Variants in SMAP2 observed in about 807,000 individuals in gnomAD.
SMAP2 encodes stromal membrane-associated protein 2.
In SMAP2, 25 loss-of-function variants were observed where a neutral mutation model predicts 56.4. The observed-to-expected ratio is 0.44, with a 90% CI of 0.32 to 0.62. The LOEUF is 0.62. Ranked by LOEUF, SMAP2 falls within the 20% of genes least tolerant of loss-of-function variation. SMAP2 has a pLI of 0.04. For missense variants in SMAP2, 388 were observed against 545.6 expected, an observed-to-expected ratio of 0.71 and a Z score of 2.88; for synonymous variants, 157 against 181.7, an observed-to-expected ratio of 0.86 and a Z score of 1.09.
chr1:40,409,966 G>T (rs1644919140), intron 4 of SMAP2, 131 bp downstream of exon 4: 8 of 633,526 alleles, frequency 1.3e-5, no homozygotes, highest in African/African-American at 1.8e-5. Context: ...AAGTAGACCA[G>T]GTGTGGTGGC....
intron 1 of SMAP2, among the ~76,000 whole-genome samples, chr1:40,378,965 T>C (rs1321727794): frequency 7.9e-6 from 1 of 127,176 alleles, no homozygotes; most frequent in Non-Finnish European, 1.7e-5. Context: ...GTTGGCAATT[T>C]CTTTTCTTTT....
At chr1:40,367,978 A>C (rs1644484437) in intron 2 of SMAP2, among the ~76,000 whole-genome samples, 1 of 140,526 alleles carries the variant, frequency 7.1e-6, no homozygotes, top group South Asian at 2.5e-4. Context: ...AGAAAAAAAG[A>C]GAGAAGAATC....
At chr1:40,393,193 G>A (rs899296718) in intron 1 of SMAP2, among the ~76,000 whole-genome samples, 1 of 143,136 alleles carries the variant, frequency 7.0e-6, no homozygotes, top group Non-Finnish European at 1.5e-5. Flanking sequence ...AGGCGTGGTA[G>A]CACATGCCTG....
At chr1:40,396,852 T>C (rs1211508097) in intron 1 of SMAP2, 4 of 985,168 alleles carry the variant, frequency 4.1e-6, no homozygotes, top group Non-Finnish European at 4.8e-6. Flanking sequence ...TCCTTTTCAG[T>C]GAATCAGAGA....
chr1:40,381,320 C>A (rs1367888852), intron 1 of SMAP2, among the ~76,000 whole-genome samples: 1 of 152,036 alleles, frequency 6.6e-6, no homozygotes, highest in Non-Finnish European at 1.5e-5. Flanking sequence ...CAGATGTGTA[C>A]AAATATAAAT....
chr1:40,406,496 TTAGA>T (rs1338434723), intron 1 of SMAP2, among the ~76,000 whole-genome samples: 2 of 152,162 alleles, frequency 1.3e-5, no homozygotes, highest in Admixed American at 1.3e-4. Context: ...TGTTCTGGAA[TTAGA>T]TAGTAGTAAT....
At chr1:40,403,700 T>C in intron 1 of SMAP2, 1 of 958,594 alleles carries the variant, frequency 1.0e-6, no homozygotes, top group Non-Finnish European at 1.2e-6. Flanking sequence ...GTGAGGTGAA[T>C]GCTATTGTAC....
chr1:40,349,479 C>T (rs971532731), intron 1 of SMAP2, among the ~76,000 whole-genome samples: 1 of 152,154 alleles, frequency 6.6e-6, no homozygotes, highest in Non-Finnish European at 1.5e-5. Flanking sequence ...TTTGAATCCT[C>T]ATAACAGCTG....
chr1:40,394,367 T>C (rs1644749132), intron 1 of SMAP2, among the ~76,000 whole-genome samples: 1 of 152,140 alleles, frequency 6.6e-6, no homozygotes, highest in Non-Finnish European at 1.5e-5. Context: ...CCACTTTTGC[T>C]CTTTTTTGAA....
At chr1:40,407,294 G>A (rs1036340268) in intron 2 of SMAP2, among the ~76,000 whole-genome samples, 8 of 152,062 alleles carry the variant, frequency 5.3e-5, no homozygotes, top group Non-Finnish European at 1.2e-4. Flanking sequence ...AGACCAGCCT[G>A]GGCAACAGAG....
chr1:40,414,774 G>T (rs565124530), intron 6 of SMAP2, among the ~76,000 whole-genome samples: 1 of 152,238 alleles, frequency 6.6e-6, no homozygotes, highest in East Asian at 1.9e-4. Context: ...GAGATGGCCT[G>T]TGGTCATTTT....
Position 40,385,788 on chromosome 1 carries a change from T to A in SMAP2, c.103+11565T>A, listed in dbSNP as rs780275747. ...GGGTTTACATGTTAATCCTACAATG[T>A]TATTTCACCTCAGTGGTCTGAAGTG... On this transcript the variant is annotated intron_variant, in intron 1 of 9. Transcript: ENST00000372718. The surrounding 1 kb of genome is among the most constrained non-coding windows in gnomAD (Gnocchi z 4.5). 3.9e-5 allele frequency among the ~76,000 whole-genome samples: 6 copies of A among 152,266 alleles called. No individual in the cohort carries two copies. Among genetic ancestry groups the A allele is most frequent in the Non-Finnish European group, 8.8e-5 (6 of 68,042 alleles).
chr1:40,351,716 C>T (rs190050044), intron 1 of SMAP2, among the ~76,000 whole-genome samples: 6 of 152,150 alleles, frequency 3.9e-5, no homozygotes, highest in Admixed American at 3.3e-4. Flanking sequence ...TGGTCAGGCT[C>T]GTCTCGAACT....
chr1:40,403,712 C>T (rs760909508), intron 1 of SMAP2: 2 of 911,434 alleles, frequency 2.2e-6, no homozygotes, highest in East Asian at 1.2e-4. Flanking sequence ...CTATTGTACA[C>T]GTTTTATAGA....
intron 1 of SMAP2, among the ~76,000 whole-genome samples, chr1:40,384,168 C>T (rs996658750): frequency 6.6e-6 from 1 of 152,206 alleles, no homozygotes; most frequent in Non-Finnish European, 1.5e-5. Context: ...TCCCAAAGTG[C>T]TGGGATTGCA....
Position 40,416,375 on chromosome 1 carries a change from G to A in SMAP2, c.847+34G>A, listed in dbSNP as rs771379691. 2.8e-5 allele frequency: 44 copies of A among 1,597,206 alleles called. 1 individual carries two copies. Among genetic ancestry groups the A allele is most frequent in the Admixed American group, 1.6e-4 (9 of 56,132 alleles). ...CATGGGTGTCATGGCCATGTGCCAG[G>A]TAGAGACATGAGGGCTTCCATGCAG... is the stretch of plus-strand genomic sequence containing the variant. On this transcript the variant is annotated intron_variant, in intron 8 of 9. Transcript: ENST00000372718.
chr1:40,398,464 A>G (rs905335077), intron 1 of SMAP2, among the ~76,000 whole-genome samples: 1 of 152,210 alleles, frequency 6.6e-6, no homozygotes, highest in Non-Finnish European at 1.5e-5. Context: ...TTTTAAAATT[A>G]CTATATCATG....
intron 1 of SMAP2, among the ~76,000 whole-genome samples, chr1:40,399,449 C>T (rs1004087426): frequency 6.6e-5 from 10 of 150,860 alleles, no homozygotes; most frequent in South Asian, 2.1e-4. Flanking sequence ...CGTGAGCCAC[C>T]GTGCCTGGCC....
intron 1 of SMAP2, among the ~76,000 whole-genome samples, chr1:40,402,372 A>T (rs1446569548): frequency 6.6e-6 from 1 of 152,170 alleles, no homozygotes; most frequent in Non-Finnish European, 1.5e-5. Context: ...ATTTTGAGAT[A>T]TATGGTAGAT....
Sources: gnomAD v4.1 joint callset for allele counts (sites outside exome capture counted in the v4.1 genomes callset) on GRCh38, gnomAD v4.1.1 for gene constraint, Gnocchi (gnomAD v3.1) non-coding constraint, MANE v1.5 for transcripts, NCBI Gene and HGNC (gene_info 2026-07-23, HGNC 2026-07-21) for gene names.